ZBTB40: variants seen among roughly 807,000 people sequenced by gnomAD.
ZBTB40 encodes zinc finger and BTB domain containing 40, also known as zinc finger and BTB domain-containing protein 40.
A neutral mutation model predicts 117.5 loss-of-function variants in ZBTB40; 60 were observed. The ratio of observed to expected loss-of-function variants is 0.51; its 90% CI spans 0.41 to 0.63. The LOEUF (loss-of-function observed/expected upper bound fraction) is 0.63, where lower values mean the gene tolerates loss of function less well. Ranked by LOEUF, ZBTB40 falls within the 30% of genes least tolerant of loss-of-function variation. The probability of loss-of-function intolerance (pLI) is 0.00; values close to 1 mark genes in which losing one functional copy is unlikely to be tolerated. For synonymous variants in ZBTB40, 525 were observed against 577.1 expected (o/e 0.91, Z 1.29); for missense variants, 1,287 against 1,498.5 (o/e 0.86, Z 2.33).
At chr1:22,440,780 C>A (rs1640723208) in intron 1 of ZBTB40, among the ~76,000 whole-genome samples, 1 of 151,940 alleles carries the variant, frequency 6.6e-6, no homozygotes. Flanking sequence ...TGGTATATTA[C>A]ATTGAGCTTT....
chr1:22,520,598 G>A (rs1482991427), intron 14 of ZBTB40, among the ~76,000 whole-genome samples: 2 of 152,174 alleles, frequency 1.3e-5, no homozygotes, highest in African/African-American at 2.4e-5. Context: ...GTGTCAATGG[G>A]CATGACAGCG....
intron 15 of ZBTB40, 127 bp downstream of exon 15, chr1:22,521,785 C>T (rs566003494): frequency 9.5e-6 from 13 of 1,366,856 alleles, no homozygotes; most frequent in Admixed American, 1.8e-5. Flanking sequence ...TTGTTCTGCC[C>T]CAGCGCACCT....
chr1:22,486,274 G>C (rs997485054), intron 1 of ZBTB40, among the ~76,000 whole-genome samples: 5 of 152,158 alleles, frequency 3.3e-5, no homozygotes, highest in African/African-American at 1.2e-4. Context: ...TGTGCCCCTG[G>C]GCTGTGAACT....
At chr1:22,511,039 C>A in intron 9 of ZBTB40, 140 bp from the exon 10 acceptor site, 2 of 1,077,970 alleles carry the variant, frequency 1.9e-6, no homozygotes, top group Middle Eastern at 2.4e-4. Flanking sequence ...CTACATTTAT[C>A]ACAAGGCGAT....
rs368471711 is a variant in ZBTB40, at chr1:22,517,285, C to T, written c.2669-15C>T. Reference sequence around the variant, plus strand: ...TTTTTAGTGCTGACTCTAATAAGCTCCTGTGTATTTGCAGGGAAAATGTAT... The same window carrying T: ...TTTTTAGTGCTGACTCTAATAAGCTTCTGTGTATTTGCAGGGAAAATGTAT... On this transcript the variant is annotated splice_polypyrimidine_tract_variant and intron_variant, in intron 12 of 17. Transcript: ENST00000375647. 1.2e-5 allele frequency: 20 copies of T among 1,613,692 alleles called. No homozygotes were observed. The highest frequency in any genetic ancestry group is 1.7e-5 in the Admixed American group (1 of 60,004).
In ZBTB40 at chr1:22,508,021, T is replaced by C; in HGVS notation, c.1381T>C (p.Tyr461His). 1.2e-6 allele frequency: 2 copies of C among 1,614,158 alleles called. No homozygotes were observed. The highest frequency in any genetic ancestry group is 2.7e-5 in the African/African-American group (2 of 75,026). ...TACAGTCCAACCAAGCCCTGATGAT[T>C]ATGGGACTGAGCTATTGAGACGCTA... ...STTVQPSPDD[Y>H]GTELLRRYHE... Residue 461 changes from tyrosine to histidine, a missense_variant, in exon 7 of 18, where the codon TAT (tyrosine) becomes CAT (histidine). Physicochemically the swap from Tyr to His is moderately conservative, Grantham distance 83 (BLOSUM62 2). Around this residue, in one of 2 missense-constraint regions of ZBTB40, gnomAD observed 870 missense variants for 934.4 expected, o/e 0.93. Coordinates refer to ENST00000375647, the MANE Select transcript of ZBTB40 (RefSeq NM_014870.4).
Position 22,520,290 on chromosome 1 carries a change from C to T in ZBTB40, c.3048+15C>T, listed in dbSNP as rs1639487968. The T allele has an allele frequency of 6.2e-7, 1 of 1,604,124 alleles. No individual in the cohort carries two copies. Among genetic ancestry groups the T allele is most frequent in the Non-Finnish European group, 8.5e-7 (1 of 1,176,816 alleles). ...AGGCCTACCAGGTGACCTCAGGTGC[C>T]ACTGGGAGCTCTTCCCCTCACCCCT... is the stretch of plus-strand genomic sequence containing the variant. On this transcript the variant is annotated intron_variant, in intron 14 of 17. Coordinates refer to ENST00000375647, the MANE Select transcript of ZBTB40 (RefSeq NM_014870.4).
At chr1:22,481,819 C>CATTACATT (rs1212278514) in intron 1 of ZBTB40, among the ~76,000 whole-genome samples, 6 of 111,766 alleles carry the variant, frequency 5.4e-5, no homozygotes, top group African/African-American at 2.1e-4. Flanking sequence ...AAAAAAATCA[C>CATTACATT]ATTACATTGG....
At chr1:22,455,518 G>A (rs1329458145) in intron 1 of ZBTB40, among the ~76,000 whole-genome samples, 1 of 152,182 alleles carries the variant, frequency 6.6e-6, no homozygotes, top group African/African-American at 2.4e-5. Flanking sequence ...GAACTGGACA[G>A]AGAGTGTCAT....
At chr1:22,486,410 T>C (rs991236959) in intron 1 of ZBTB40, among the ~76,000 whole-genome samples, 16 of 152,334 alleles carry the variant, frequency 1.1e-4, no homozygotes, top group African/African-American at 3.6e-4. Flanking sequence ...GTTAGGCTCT[T>C]GTAAAATAGT....
Position 22,490,119 on chromosome 1 carries a change from T to TACC in ZBTB40, c.173_175dup (p.Thr58dup), listed in dbSNP as rs1638582210. ...TCAAAACCCTGCTGGATAACACAGATACCATCTCCATCGATGCATCTGTGG... is the reference window on the plus strand; with the variant it reads ...TCAAAACCCTGCTGGATAACACAGATACCACCATCTCCATCGATGCATCTGTGG... On this transcript the variant is annotated inframe_insertion, in exon 2 of 18. Coordinates refer to ENST00000375647, the MANE Select transcript of ZBTB40 (RefSeq NM_014870.4). 2.5e-6 allele frequency: 4 copies of TACC among 1,614,190 alleles called. No individual in the cohort carries two copies. Among genetic ancestry groups the TACC allele is most frequent in the Non-Finnish European group, 3.4e-6 (4 of 1,180,032 alleles).
Position 22,520,516 on chromosome 1 carries a change from A to G in ZBTB40, c.3048+241A>G, listed in dbSNP as rs151282683. Among the ~76,000 whole-genome samples the G allele has an allele frequency of 6.6e-4, 100 of 152,328 alleles. 2 individuals carry two copies. The East Asian group carries it at 0.016, about 24-fold the overall frequency. On this transcript the variant is annotated intron_variant, in intron 14 of 17. Coordinates refer to ENST00000375647, the MANE Select transcript of ZBTB40 (RefSeq NM_014870.4). ...AGTTCATACGCTTCTTCTCTTAGAC[A>G]GCAGACTTGTCGTGAACTAATGCTG...
chr1:22,488,044 A>G (rs182820156), intron 1 of ZBTB40, among the ~76,000 whole-genome samples: 1 of 151,692 alleles, frequency 6.6e-6, no homozygotes, highest in Admixed American at 6.6e-5. Flanking sequence ...CATTCTTTTT[A>G]CCTCATCTGT....
chr1:22,496,856 A>T (rs1327505348), intron 3 of ZBTB40, among the ~76,000 whole-genome samples: 2 of 152,236 alleles, frequency 1.3e-5, no homozygotes, highest in Non-Finnish European at 2.9e-5. Flanking sequence ...GTCACAAGGT[A>T]AAGTCCCACG....
rs116349901 is a variant in ZBTB40 at position 22,522,286 on chromosome 1, C to G, written c.3212-91C>G. On this transcript the variant is annotated intron_variant, in intron 15 of 17. Coordinates refer to ENST00000375647, the MANE Select transcript of ZBTB40 (RefSeq NM_014870.4). ...TGGTAGATGCTTGCTAAGTATTGGC[C>G]ATCGCCCCAACCCCAGCCCTGTTAC... 1.7e-3 allele frequency: 2,028 copies of G among 1,208,344 alleles called. 11 individuals carry two copies. The highest frequency in any genetic ancestry group is 4.1e-3 in the South Asian group (344 of 83,018). 74.9% of individuals were successfully genotyped at this position (1,208,344 alleles called of 1,614,324 possible). A position where few individuals can be genotyped will look rare whatever the true frequency, so the allele number is the denominator to read the frequency against.
At chr1:22,472,185 C>CTT (rs113978058) in intron 1 of ZBTB40, among the ~76,000 whole-genome samples, 1 of 144,050 alleles carries the variant, frequency 6.9e-6, no homozygotes, top group Non-Finnish European at 1.5e-5. Flanking sequence ...AACTGAGCTG[C>CTT]TTTTTTTTTT....
At chr1:22,463,347 C>T (rs1243261270) in intron 1 of ZBTB40, among the ~76,000 whole-genome samples, 2 of 152,132 alleles carry the variant, frequency 1.3e-5, no homozygotes, top group Non-Finnish European at 1.5e-5. Context: ...GAATTTGGTA[C>T]TGTATTTATG....
At chr1:22,432,532 C>T (rs562800936) in intron 1 of ZBTB40, among the ~76,000 whole-genome samples, 3 of 152,286 alleles carry the variant, frequency 2.0e-5, no homozygotes, top group South Asian at 4.1e-4. Context: ...CTTAGTTGCA[C>T]TAGCTACATT....
chr1:22,494,342 C>T (rs1193973507), intron 3 of ZBTB40, among the ~76,000 whole-genome samples: 1 of 152,208 alleles, frequency 6.6e-6, no homozygotes, highest in Non-Finnish European at 1.5e-5. Context: ...CTTTCTAGAA[C>T]AGTGTCTAGA....
Sources: allele counts gnomAD v4.1 joint callset (sites outside exome capture counted in the v4.1 genomes callset), GRCh38; gene constraint gnomAD v4.1.1; regional missense constraint gnomAD v4.1.1; transcripts MANE v1.5; gene names NCBI Gene and HGNC (gene_info 2026-07-23, HGNC 2026-07-21).